Variants in NUBPL observed in about 807,000 individuals in gnomAD.
NUBPL encodes the protein iron-sulfur cluster transfer protein NUBPL.
In NUBPL, 31 loss-of-function variants were observed where a neutral mutation model predicts 45.7. The ratio of observed to expected loss-of-function variants is 0.68; its 90% CI spans 0.51 to 0.92. NUBPL has a LOEUF of 0.92. Ranked by LOEUF, NUBPL falls within the 40% of genes least tolerant of loss-of-function variation. NUBPL has a pLI of 0.00. For synonymous variants in NUBPL, 144 were observed against 140.9 expected, an observed-to-expected ratio of 1.02 and a Z score of -0.15; for missense variants, 401 against 398.7, an observed-to-expected ratio of 1.01 and a Z score of -0.05.
intron 6 of NUBPL, among the ~76,000 whole-genome samples, chr14:31,756,478 C>T (rs1189139022): frequency 5.9e-5 from 9 of 151,960 alleles, no homozygotes; most frequent in Middle Eastern, 3.2e-3. Flanking sequence ...AATGGGAGTT[C>T]ACTCATGATT....
intron 6 of NUBPL, among the ~76,000 whole-genome samples, chr14:31,741,597 G>T (rs1397634671): frequency 6.6e-6 from 1 of 152,080 alleles, no homozygotes; most frequent in Non-Finnish European, 1.5e-5. Flanking sequence ...TGAGAACCTG[G>T]CTGAGTTCAT....
intron 6 of NUBPL, among the ~76,000 whole-genome samples, chr14:31,679,796 T>G (rs1260901985): frequency 6.6e-6 from 1 of 152,192 alleles, no homozygotes; most frequent in East Asian, 1.9e-4. Context: ...GTTGATACTT[T>G]TATTAGGATG....
chr14:31,613,091 A>C (rs2034803008), intron 4 of NUBPL, among the ~76,000 whole-genome samples: 2 of 152,230 alleles, frequency 1.3e-5, no homozygotes, highest in South Asian at 4.1e-4. Context: ...GTACGTATAC[A>C]CAATGGGTAC....
intron 7 of NUBPL, among the ~76,000 whole-genome samples, chr14:31,800,309 A>G (rs1470295367): frequency 1.3e-5 from 2 of 152,166 alleles, no homozygotes. Context: ...TGAATCACAA[A>G]TGTTATTTGG....
intron 4 of NUBPL, among the ~76,000 whole-genome samples, chr14:31,623,909 C>T (rs1456718140): frequency 1.3e-5 from 2 of 152,116 alleles, no homozygotes; most frequent in African/African-American, 4.8e-5. Context: ...TAAATACCCT[C>T]TTGGGTTTGT....
chr14:31,854,736 G>A (rs1470125870), intron 10 of NUBPL, among the ~76,000 whole-genome samples: 4 of 152,188 alleles, frequency 2.6e-5, no homozygotes, highest in Non-Finnish European at 5.9e-5. Context: ...AACCATGGCT[G>A]TCTGACTTCA....
chr14:31,861,010 G>A lies in NUBPL; in HGVS notation c.*1830G>A, dbSNP rs1323841449. Reference sequence around the variant, plus strand: ...TGAGGATGGGAGAGAATTGGGCGTGGCTGTGAGAAACATGAGGGATCCTTG... The same window carrying A: ...TGAGGATGGGAGAGAATTGGGCGTGACTGTGAGAAACATGAGGGATCCTTG... On this transcript the variant is annotated 3_prime_UTR_variant, in exon 11 of 11. Transcript: ENST00000281081. The A allele has an allele frequency of 6.6e-6, 1 of 152,170 alleles. No homozygotes were observed. The highest frequency in any genetic ancestry group is 1.5e-5 in the Non-Finnish European group (1 of 68,040). The allele number at this position is 152,170 out of a possible 1,614,324, so 9.4% of individuals were successfully genotyped here.
intron 4 of NUBPL, among the ~76,000 whole-genome samples, chr14:31,599,924 C>CTT (rs34188934): frequency 0.013 from 1,702 of 135,256 alleles, 40 homozygotes; most frequent in Non-Finnish European, 0.018. Context: ...AGTTTTTTTT[C>CTT]TTTTTTTTTT....
intron 4 of NUBPL, among the ~76,000 whole-genome samples, chr14:31,650,917 GCCAGGCTCTTTT>G (rs946595924): frequency 3.3e-5 from 5 of 152,124 alleles, no homozygotes; most frequent in African/African-American, 1.2e-4. Context: ...GCAGCAAGGT[GCCAGGCTCTTTT>G]TTAACAACCA....
At chr14:31,673,263 A>C in intron 4 of NUBPL, 92 bp from the exon 5 acceptor site, 1 of 1,124,682 alleles carries the variant, frequency 8.9e-7, no homozygotes, top group Non-Finnish European at 1.3e-6. Context: ...TTAATTAAAA[A>C]AATTTTTAAA....
intron 8 of NUBPL, among the ~76,000 whole-genome samples, chr14:31,834,451 T>C (rs1028311469): frequency 6.6e-5 from 10 of 152,152 alleles, no homozygotes; most frequent in African/African-American, 2.2e-4. Context: ...AGTGCTGGGA[T>C]TACAGGCGTG....
chr14:31,781,508 G>A (rs1797754378), intron 6 of NUBPL, among the ~76,000 whole-genome samples: 1 of 152,066 alleles, frequency 6.6e-6, no homozygotes, highest in Non-Finnish European at 1.5e-5. Flanking sequence ...GAAGAAATGG[G>A]GCAGAAAGAG....
chr14:31,613,398 A>G (rs1334432021), intron 4 of NUBPL, among the ~76,000 whole-genome samples: 3 of 152,162 alleles, frequency 2.0e-5, no homozygotes, highest in African/African-American at 4.8e-5. Flanking sequence ...ACAGCAAGGT[A>G]ACTGTAGTCC....
At chr14:31,735,255 A>G (rs191163232) in intron 6 of NUBPL, among the ~76,000 whole-genome samples, 4 of 152,298 alleles carry the variant, frequency 2.6e-5, no homozygotes, top group Admixed American at 2.0e-4. Flanking sequence ...ATTTGTATAT[A>G]TATTAAATTA....
At chr14:31,629,186 GT>G (rs1244132498) in intron 4 of NUBPL, among the ~76,000 whole-genome samples, 1 of 152,184 alleles carries the variant, frequency 6.6e-6, no homozygotes, top group Non-Finnish European at 1.5e-5. Context: ...TTAATGGAAA[GT>G]TCTTTAATCA....
intron 6 of NUBPL, among the ~76,000 whole-genome samples, chr14:31,763,198 G>A (rs1177719375): frequency 6.6e-6 from 1 of 152,152 alleles, no homozygotes; most frequent in Non-Finnish European, 1.5e-5. Context: ...GAGGTCAGTA[G>A]CTTTGGTGGT....
intron 8 of NUBPL, among the ~76,000 whole-genome samples, chr14:31,835,996 T>G (rs2040275559): frequency 6.6e-6 from 1 of 152,164 alleles, no homozygotes; most frequent in African/African-American, 2.4e-5. Context: ...ATAAATTGGA[T>G]TATATAGTAG....
At chr14:31,848,903 C>CT (rs2040494947) in intron 9 of NUBPL, among the ~76,000 whole-genome samples, 4 of 152,122 alleles carry the variant, frequency 2.6e-5, no homozygotes, top group Non-Finnish European at 2.9e-5. Flanking sequence ...AATGACAGTT[C>CT]ATAAATTGAG....
intron 6 of NUBPL, among the ~76,000 whole-genome samples, chr14:31,737,239 G>T (rs2038184908): frequency 1.3e-5 from 2 of 152,082 alleles, no homozygotes; most frequent in Non-Finnish European, 2.9e-5. Flanking sequence ...GAAAAATTCT[G>T]TTTTCTTCTA....
Sources: allele counts gnomAD v4.1 joint callset (sites outside exome capture counted in the v4.1 genomes callset), GRCh38; gene constraint gnomAD v4.1.1; transcripts MANE v1.5; gene names NCBI Gene and HGNC (gene_info 2026-07-23, HGNC 2026-07-21).